FAM13A: variants seen among roughly 807,000 people sequenced by gnomAD.
FAM13A encodes the protein protein FAM13A.
Under a neutral mutation model 129.6 loss-of-function variants are expected in FAM13A, and 76 were observed. That is an observed-to-expected ratio of 0.59 (90% CI 0.49 to 0.71). The LOEUF is 0.71. FAM13A is among the 30% of genes least tolerant of loss of function. The pLI, the probability that FAM13A is intolerant of heterozygous loss-of-function variation, is 0.00. For synonymous variants in FAM13A, 443 were observed against 449.9 expected (o/e 0.98, Z 0.20); for missense variants, 1,108 against 1,249.3 (o/e 0.89, Z 1.70).
intron 5 of FAM13A, among the ~76,000 whole-genome samples, chr4:88,933,301 T>G (rs1319993879): frequency 2.0e-5 from 3 of 152,140 alleles, no homozygotes; most frequent in African/African-American, 7.2e-5. Flanking sequence ...TACATATATA[T>G]TCATAACTCT....
At chr4:88,870,120 G>GT (rs1741099358) in intron 6 of FAM13A, among the ~76,000 whole-genome samples, 1 of 95,410 alleles carries the variant, frequency 1.0e-5, no homozygotes, top group South Asian at 4.2e-4. Context: ...CATTTCTGTT[G>GT]TAAAAAAAAA....
chr4:88,836,974 T>A (rs1240633157), intron 7 of FAM13A, among the ~76,000 whole-genome samples: 1 of 150,670 alleles, frequency 6.6e-6, no homozygotes, highest in Non-Finnish European at 1.5e-5. Flanking sequence ...AAAAAAAAAA[T>A]TATGTTAAAA....
At chr4:88,815,844 G>A (rs145737879) in intron 7 of FAM13A, among the ~76,000 whole-genome samples, 1 of 152,000 alleles carries the variant, frequency 6.6e-6, no homozygotes, top group Non-Finnish European at 1.5e-5. Context: ...ATGTAACATT[G>A]CTCTTAACAT....
chr4:89,024,394 A>G (rs1397195078), intron 2 of FAM13A, among the ~76,000 whole-genome samples: 1 of 152,256 alleles, frequency 6.6e-6, no homozygotes, highest in African/African-American at 2.4e-5. Context: ...TTTATAAGTT[A>G]TAATGTATAT....
intron 5 of FAM13A, among the ~76,000 whole-genome samples, chr4:88,928,850 A>T (rs927753665): frequency 6.6e-6 from 1 of 151,878 alleles, no homozygotes; most frequent in African/African-American, 2.4e-5. Context: ...CATATTGTTA[A>T]TTGCTTTCAA....
At chr4:89,000,367 G>A (rs937523977) in intron 3 of FAM13A, among the ~76,000 whole-genome samples, 1 of 152,154 alleles carries the variant, frequency 6.6e-6, no homozygotes, top group Non-Finnish European at 1.5e-5. Context: ...ACTGATATAT[G>A]TGACACCACA....
intron 6 of FAM13A, among the ~76,000 whole-genome samples, chr4:88,870,533 C>A (rs905885323): frequency 6.6e-6 from 1 of 152,214 alleles, no homozygotes; most frequent in Non-Finnish European, 1.5e-5. Context: ...TTGCTCATTG[C>A]TAGTGCAGTG....
intron 13 of FAM13A, among the ~76,000 whole-genome samples, chr4:88,761,546 C>T (rs765246367): frequency 2.6e-5 from 4 of 152,044 alleles, no homozygotes; most frequent in Non-Finnish European, 4.4e-5. Context: ...GAGGACGGCA[C>T]ATCACACAGA....
intron 3 of FAM13A, among the ~76,000 whole-genome samples, chr4:89,009,670 T>C (rs1765487515): frequency 6.6e-6 from 1 of 152,166 alleles, no homozygotes; most frequent in Non-Finnish European, 1.5e-5. Flanking sequence ...GCAAACCATA[T>C]ATAATAGTAA....
intron 4 of FAM13A, among the ~76,000 whole-genome samples, chr4:88,966,231 T>C (rs1437695203): frequency 1.3e-5 from 2 of 152,208 alleles, no homozygotes; most frequent in Non-Finnish European, 2.9e-5. Flanking sequence ...TTCTGGGTGA[T>C]TGCTTTTCCC....
chr4:89,051,508 C>T (rs1045618035), intron 1 of FAM13A, among the ~76,000 whole-genome samples: 8 of 152,160 alleles, frequency 5.3e-5, no homozygotes, highest in African/African-American at 1.4e-4. Flanking sequence ...GTATCCTTTT[C>T]GCATGCAAAA....
intron 6 of FAM13A, among the ~76,000 whole-genome samples, chr4:88,857,881 A>G (rs998132961): frequency 2.6e-5 from 4 of 152,228 alleles, no homozygotes; most frequent in Non-Finnish European, 1.5e-5. Flanking sequence ...AAATGTCTGT[A>G]TAATGACTAA....
intron 4 of FAM13A, among the ~76,000 whole-genome samples, chr4:88,965,632 C>T (rs2148931137): frequency 6.6e-6 from 1 of 152,158 alleles, no homozygotes; most frequent in African/African-American, 2.4e-5. Context: ...GTTCAGTAGT[C>T]TTATTTATAT....
At chr4:88,838,855 T>C (rs1284492848) in intron 7 of FAM13A, among the ~76,000 whole-genome samples, 1 of 152,220 alleles carries the variant, frequency 6.6e-6, no homozygotes, top group Non-Finnish European at 1.5e-5. Context: ...CTCATAAACA[T>C]TGGAAGATGC....
chr4:88,890,730 T>A (rs2150161882), intron 6 of FAM13A, among the ~76,000 whole-genome samples: 1 of 152,226 alleles, frequency 6.6e-6, no homozygotes, highest in East Asian at 1.9e-4. Context: ...TCTCTGAAAG[T>A]ATAATTAAAA....
chr4:89,000,360 G>C lies in FAM13A; in HGVS notation c.428-9210C>G, dbSNP rs538590964. Among the ~76,000 whole-genome samples the C allele has an allele frequency of 2.0e-5, 3 of 152,290 alleles. No individual in the cohort carries two copies. In the East Asian group the frequency reaches 5.8e-4, roughly 29 times the overall value. On this transcript the variant is annotated intron_variant, in intron 3 of 23. Transcript: ENST00000264344. ...TAACCAGCCATAGGAATGCAGTACTGATATATGTGACACCACAGATAAAGC... is the reference window on the plus strand; with the variant it reads ...TAACCAGCCATAGGAATGCAGTACTCATATATGTGACACCACAGATAAAGC...
intron 4 of FAM13A, among the ~76,000 whole-genome samples, chr4:88,945,758 G>GTATA (rs1338690619): frequency 8.1e-6 from 1 of 124,178 alleles, no homozygotes; most frequent in Admixed American, 8.0e-5. Context: ...ACCACTATTA[G>GTATA]TATATATATA....
At chr4:88,961,588 C>T (rs576826512) in intron 4 of FAM13A, among the ~76,000 whole-genome samples, 196 of 151,992 alleles carry the variant, frequency 1.3e-3, no homozygotes, top group South Asian at 8.7e-3. Context: ...AGGCTGGTCT[C>T]GAACTCCTGA....
intron 19 of FAM13A, among the ~76,000 whole-genome samples, chr4:88,741,486 C>T (rs1011819048): frequency 6.6e-6 from 1 of 152,178 alleles, no homozygotes; most frequent in Non-Finnish European, 1.5e-5. Flanking sequence ...AACCTTGAGT[C>T]ACGGTACTGA....
Sources: allele counts gnomAD v4.1 joint callset (sites outside exome capture counted in the v4.1 genomes callset), GRCh38; gene constraint gnomAD v4.1.1; transcripts MANE v1.5; gene names NCBI Gene and HGNC (gene_info 2026-07-23, HGNC 2026-07-21).